Variants in ZBTB20 observed in about 807,000 individuals in gnomAD.
The protein encoded by ZBTB20 is zinc finger and BTB domain-containing protein 20.
ZBTB20 carries 9 observed loss-of-function variants against 56.9 expected under a neutral mutation model. The ratio of observed to expected loss-of-function variants is 0.16; its 90% CI spans 0.10 to 0.28. The LOEUF is 0.28. ZBTB20 is among the 10% of genes least tolerant of loss of function. The pLI is 1.00. For missense variants in ZBTB20, 655 were observed against 1,003.0 expected, an observed-to-expected ratio of 0.65 and a Z score of 4.69; for synonymous variants, 417 against 420.7, an observed-to-expected ratio of 0.99 and a Z score of 0.11.
At chr3:114,959,754 T>TACAC (rs2077381246) in intron 3 of ZBTB20, among the ~76,000 whole-genome samples, 2 of 120,140 alleles carry the variant, frequency 1.7e-5, no homozygotes, top group South Asian at 2.7e-4. Flanking sequence ...CACACACACT[T>TACAC]GGAGACTCTC....
intron 7 of ZBTB20, among the ~76,000 whole-genome samples, chr3:114,474,904 T>A (rs958915899): frequency 1.7e-4 from 26 of 152,108 alleles, no homozygotes; most frequent in African/African-American, 6.0e-4. Flanking sequence ...TGTCCTCTGG[T>A]CTCTCCCTAC....
intron 5 of ZBTB20, among the ~76,000 whole-genome samples, chr3:114,770,834 A>AT (rs2069142824): frequency 6.6e-6 from 1 of 152,220 alleles, no homozygotes; most frequent in Admixed American, 6.5e-5. Flanking sequence ...GAATATTTGC[A>AT]TTATATACTT....
intron 6 of ZBTB20, among the ~76,000 whole-genome samples, chr3:114,673,208 C>A (rs2061447060): frequency 6.6e-6 from 1 of 152,106 alleles, no homozygotes; most frequent in Non-Finnish European, 1.5e-5. Flanking sequence ...CCCTGCCATG[C>A]CAACAGCATT....
At position 114,323,691 on chromosome 3, in the gene ZBTB20, C is replaced by A. The variant is rs1183589099; in HGVS notation, c.*15314G>T. On this transcript the variant is annotated 3_prime_UTR_variant, in exon 12 of 12. Transcript: ENST00000675478. ...TTGGGTAAACTTTTTCTTAAATGTTCTTAATTGCTGTACTAACTCAGCTTC... is the reference window on the plus strand; with the variant it reads ...TTGGGTAAACTTTTTCTTAAATGTTATTAATTGCTGTACTAACTCAGCTTC... The A allele has an allele frequency of 1.3e-5, 2 of 152,104 alleles. No individual in the cohort carries two copies. The highest frequency in any genetic ancestry group is 4.8e-5 in the African/African-American group (2 of 41,424). The allele number at this position is 152,104 out of a possible 1,614,324, so 9.4% of individuals were successfully genotyped here.
intron 4 of ZBTB20, among the ~76,000 whole-genome samples, chr3:114,843,155 T>C (rs576216494): frequency 2.6e-5 from 4 of 152,090 alleles, no homozygotes; most frequent in Admixed American, 6.5e-5. Flanking sequence ...GAACTGTGAG[T>C]CAATTAAGCC....
chr3:114,689,780 T>C (rs1470021955), intron 6 of ZBTB20, among the ~76,000 whole-genome samples: 4 of 152,172 alleles, frequency 2.6e-5, no homozygotes, highest in Non-Finnish European at 4.4e-5. Context: ...GTTTATGTGA[T>C]ATGAGACACA....
chr3:114,498,913 C>T (rs529141949), intron 7 of ZBTB20, among the ~76,000 whole-genome samples: 6 of 152,250 alleles, frequency 3.9e-5, no homozygotes, highest in East Asian at 1.9e-4. Flanking sequence ...ATAGCTGAGC[C>T]GTGCGGGCAG....
chr3:114,359,062 A>G (rs962197383), intron 10 of ZBTB20, among the ~76,000 whole-genome samples: 1 of 118,482 alleles, frequency 8.4e-6, no homozygotes, highest in Non-Finnish European at 1.7e-5. Context: ...TCCATTCTTT[A>G]TTTTACCTCT....
At chr3:114,731,097 G>A (rs1417286915) in intron 5 of ZBTB20, among the ~76,000 whole-genome samples, 2 of 152,102 alleles carry the variant, frequency 1.3e-5, no homozygotes, top group Non-Finnish European at 2.9e-5. Context: ...TGGTCTATTT[G>A]TTGGAGTAAC....
chr3:115,033,900 C>A (rs1448325704), intron 2 of ZBTB20, among the ~76,000 whole-genome samples: 1 of 151,606 alleles, frequency 6.6e-6, no homozygotes, highest in Non-Finnish European at 1.5e-5. Context: ...AAGGATTTTA[C>A]CCTATGACCA....
intron 7 of ZBTB20, among the ~76,000 whole-genome samples, chr3:114,409,331 T>G (rs2087695169): frequency 6.6e-6 from 1 of 152,036 alleles, no homozygotes; most frequent in African/African-American, 2.4e-5. Context: ...CAGGCACGAT[T>G]TGATTTACCT....
intron 7 of ZBTB20, among the ~76,000 whole-genome samples, chr3:114,485,300 A>T (rs1156876413): frequency 1.3e-5 from 2 of 152,210 alleles, no homozygotes; most frequent in Admixed American, 1.3e-4. Flanking sequence ...TCTAGAGTGC[A>T]TGTTTTTTAT....
rs191631004 is a variant in ZBTB20 at position 114,471,573 on chromosome 3, T to C, written c.-255+28779A>G. Among the ~76,000 whole-genome samples the C allele has an allele frequency of 3.6e-3, 545 of 152,312 alleles. 3 individuals carry two copies. The highest frequency in any genetic ancestry group is 6.3e-3 in the Non-Finnish European group (428 of 68,020). ...ATGTCTGATATATGGGGGTGTCATG[T>C]CACATTGAAAGTACAGCTACATCAG... On this transcript the variant is annotated intron_variant, in intron 7 of 11. Transcript: ENST00000675478.
intron 7 of ZBTB20, among the ~76,000 whole-genome samples, chr3:114,480,820 AT>A (rs1010932124): frequency 1.6e-3 from 238 of 146,184 alleles, no homozygotes; most frequent in Admixed American, 1.6e-3. Context: ...AAGGCTGGTC[AT>A]TTTTTTTTTT....
chr3:114,910,236 C>T lies in ZBTB20; in HGVS notation c.-455-9894G>A, dbSNP rs557934733. On this transcript the variant is annotated intron_variant, in intron 3 of 11. Coordinates refer to ENST00000675478, the MANE Select transcript of ZBTB20 (RefSeq NM_001348800.3). ...CTAAGAAGAACTAGAAACTCTGATT[C>T]GACAATTATAAAGATATCACATATG... Among the ~76,000 whole-genome samples the T allele has an allele frequency of 6.6e-5, 10 of 151,030 alleles. No individual in the cohort carries two copies. In the South Asian group the frequency reaches 1.3e-3, roughly 19 times the overall value.
At chr3:114,365,515 G>A (rs937225338) in intron 10 of ZBTB20, among the ~76,000 whole-genome samples, 1 of 152,060 alleles carries the variant, frequency 6.6e-6, no homozygotes, top group African/African-American at 2.4e-5. Flanking sequence ...TGTAGGGGGT[G>A]GATTTCTCAA....
chr3:114,370,100 C>T (rs926308831), intron 10 of ZBTB20, among the ~76,000 whole-genome samples: 4 of 152,132 alleles, frequency 2.6e-5, no homozygotes. Context: ...AAATTCCTTT[C>T]ACATATATTT....
intron 6 of ZBTB20, among the ~76,000 whole-genome samples, chr3:114,651,017 G>C (rs2060100299): frequency 6.6e-6 from 1 of 151,854 alleles, no homozygotes; most frequent in African/African-American, 2.4e-5. Context: ...TGATGGAAAG[G>C]GTTTAAAAAA....
intron 4 of ZBTB20, among the ~76,000 whole-genome samples, chr3:114,895,841 A>G (rs1462403665): frequency 6.6e-6 from 1 of 152,154 alleles, no homozygotes; most frequent in Non-Finnish European, 1.5e-5. Flanking sequence ...CCACCATACT[A>G]TACATAGGAA....
Sources: allele counts gnomAD v4.1 joint callset (sites outside exome capture counted in the v4.1 genomes callset), GRCh38; gene constraint gnomAD v4.1.1; transcripts MANE v1.5; gene names NCBI Gene and HGNC (gene_info 2026-07-23, HGNC 2026-07-21).